POMC: variants seen among roughly 807,000 people sequenced by gnomAD.
POMC encodes the protein proopiomelanocortin.
A neutral mutation model predicts 18.5 loss-of-function variants in POMC; 19 were observed. The observed-to-expected ratio is 1.03, with a 90% CI of 0.72 to 1.51. The LOEUF (loss-of-function observed/expected upper bound fraction) is 1.51, where lower values mean the gene tolerates loss of function less well. Among genes scored for constraint, POMC ranks in the 40% most tolerant of loss-of-function variants. The probability of loss-of-function intolerance (pLI) is 0.00; values close to 1 mark genes in which losing one functional copy is unlikely to be tolerated. For synonymous variants in POMC, 179 were observed against 161.9 expected (o/e 1.11, Z -0.80); for missense variants, 451 against 379.0 (o/e 1.19, Z -1.58).
In POMC at chr2:25,163,884, A is replaced by G. The variant is rs542089530; in HGVS notation, c.132+757T>C. ...AAGCAATCCTCCCACCTTAGCATCT[A>G]AAAGTGCTGGGATTACAGCCATGAG... On this transcript the variant is annotated intron_variant, in intron 2 of 2. Transcript: ENST00000395826. Among the ~76,000 whole-genome samples the G allele has an allele frequency of 7.2e-5, 11 of 152,230 alleles. No individual in the cohort carries two copies. The East Asian group carries it at 2.1e-3, about 29-fold the overall frequency.
At chr2:25,165,194 C>T (rs993931453) in intron 1 of POMC, among the ~76,000 whole-genome samples, 3 of 152,206 alleles carry the variant, frequency 2.0e-5, no homozygotes, top group African/African-American at 7.2e-5. Flanking sequence ...TATTTCACTA[C>T]ATTAAGCTGT....
chr2:25,162,169 C>A (rs1053177482), intron 2 of POMC, among the ~76,000 whole-genome samples: 1 of 152,124 alleles, frequency 6.6e-6, no homozygotes, highest in South Asian at 2.1e-4. Context: ...ATATTGAGGG[C>A]CGGGCACGGT....
chr2:25,161,839 C>T lies in POMC; in HGVS notation c.133-87G>A. ...GCCCGTCACTGCGCCTAGGCCCTGG[C>T]CGCCCTCGCCACGTGCCGAGGACAC... is the stretch of plus-strand genomic sequence containing the variant. On this transcript the variant is annotated intron_variant, in intron 2 of 2. Coordinates refer to ENST00000395826, the MANE Select transcript of POMC (RefSeq NM_000939.4). The surrounding 1 kb of genome is among the most constrained non-coding windows in gnomAD (Gnocchi z 5.7). The T allele has an allele frequency of 6.8e-7, 1 of 1,468,970 alleles. No homozygotes were observed. The highest frequency in any genetic ancestry group is 9.0e-7 in the Non-Finnish European group (1 of 1,115,792). 91.0% of individuals were successfully genotyped at this position (1,468,970 alleles called of 1,614,324 possible).
At position 25,168,174 on chromosome 2, in the gene POMC, G is replaced by A. The variant is rs1317529468; in HGVS notation, c.-21+324C>T. Among the ~76,000 whole-genome samples the A allele has an allele frequency of 6.8e-6, 1 of 147,482 alleles. No homozygotes were observed. The highest frequency in any genetic ancestry group is 6.9e-5 in the Admixed American group (1 of 14,498). On this transcript the variant is annotated intron_variant, in intron 1 of 2. Transcript: ENST00000395826. This position sits in a 1 kb window ranked among gnomAD's most constrained non-coding sequence, Gnocchi z 5.2. Reference sequence around the variant, plus strand: ...CGTCTCAAAAAAAAAAAAAAAGACCGGGTTGTCCCAAGACCTCCTAGCAAG... The same window carrying A: ...CGTCTCAAAAAAAAAAAAAAAGACCAGGTTGTCCCAAGACCTCCTAGCAAG...
chr2:25,168,034 A>G lies in POMC; in HGVS notation c.-21+464T>C, dbSNP rs750466253. On this transcript the variant is annotated intron_variant, in intron 1 of 2. Coordinates refer to ENST00000395826, the MANE Select transcript of POMC (RefSeq NM_000939.4). This position sits in a 1 kb window ranked among gnomAD's most constrained non-coding sequence, Gnocchi z 5.2. ...CCGGGCGTGGTGGCGCATGCCTGTA[A>G]TCCCAGCTACTCGGGAGGCTGAAGC... Among the ~76,000 whole-genome samples, 5 of 152,018 alleles carry G rather than the reference A, an allele frequency of 3.3e-5. No homozygotes were observed. The highest frequency in any genetic ancestry group is 6.5e-5 in the Admixed American group (1 of 15,278).
chr2:25,166,149 T>G (rs1671545704), intron 1 of POMC, among the ~76,000 whole-genome samples: 1 of 152,230 alleles, frequency 6.6e-6, no homozygotes, highest in South Asian at 2.1e-4. Flanking sequence ...CCTCGCCCTA[T>G]TCCCCAGGCG....
chr2:25,161,534 A>G lies in POMC; in HGVS notation c.351T>C (p.Pro117=), dbSNP rs1180907848. 6.3e-7 allele frequency: 1 copy of G among 1,582,506 alleles called. No homozygotes were observed. Among genetic ancestry groups the G allele is most frequent in the Non-Finnish European group, 8.6e-7 (1 of 1,164,978 alleles). The change falls in exon 3 of 3, where the codon CCT becomes CCC. Residue 117 remains proline, a synonymous_variant. Coordinates refer to ENST00000395826, the MANE Select transcript of POMC (RefSeq NM_000939.4). The surrounding 1 kb of genome is among the most constrained non-coding windows in gnomAD (Gnocchi z 5.7). ...CGCTGCGGGGCTCGGGGCCGCCCTC[A>G]GGCAGCGGGCCGCAGTCTTCGCCCG... ...VSAGEDCGPL[P]EGGPEPRSDG... is the part of the protein sequence containing the mutation.
chr2:25,161,283 GC>G lies in POMC; in HGVS notation c.601del (p.Ala201ProfsTer41). On this transcript the variant is annotated frameshift_variant, in exon 3 of 3. Coordinates refer to ENST00000395826, the MANE Select transcript of POMC (RefSeq NM_000939.4). LOFTEE classifies it high-confidence loss of function. This position sits in a 1 kb window ranked among gnomAD's most constrained non-coding sequence, Gnocchi z 5.7. ...PDGPADDGAG[A>X]QADLEHSLLV... ...CAGGCTGTGCTCCAGGTCGGCCTGGGCCCCTGCGCCGTCATCGGCAGGGCCG... is the reference window on the plus strand; with the variant it reads ...CAGGCTGTGCTCCAGGTCGGCCTGGGCCCTGCGCCGTCATCGGCAGGGCCG... 6.2e-7 allele frequency: 1 copy of G among 1,611,228 alleles called. No individual in the cohort carries two copies. The highest frequency in any genetic ancestry group is 1.7e-5 in the Admixed American group (1 of 59,708).
chr2:25,161,501 G>A lies in POMC; in HGVS notation c.384C>T (p.Ala128=). ...EGGPEPRSDG[A]KPGPREGKRS... ...GCTTGCCCTCGCGCGGGCCCGGCTT[G>A]GCACCATCGCTGCGGGGCTCGGGGC... is the stretch of plus-strand genomic sequence containing the variant. Residue 128 remains alanine (A), a synonymous_variant, in exon 3 of 3, where the codon GCC becomes GCT. Coordinates refer to ENST00000395826, the MANE Select transcript of POMC (RefSeq NM_000939.4). The surrounding 1 kb of genome is among the most constrained non-coding windows in gnomAD (Gnocchi z 5.7). 8 of 1,602,600 alleles carry A rather than the reference G, an allele frequency of 5.0e-6. No homozygotes were observed. Among genetic ancestry groups the A allele is most frequent in the Non-Finnish European group, 6.0e-6 (7 of 1,175,454 alleles).
rs1368775961 is a variant in POMC at position 25,161,881 on chromosome 2, C to A, written c.133-129G>T. 1 of 1,411,506 alleles carries A rather than the reference C, an allele frequency of 7.1e-7. No individual in the cohort carries two copies. Among genetic ancestry groups the A allele is most frequent in the Non-Finnish European group, 9.2e-7 (1 of 1,081,676 alleles). The allele number at this position is 1,411,506 out of a possible 1,614,324, so 87.4% of individuals were successfully genotyped here. Reference sequence around the variant, plus strand: ...CGAGGACACAGGGCACAGTGTCGGGCGTGTCAAGCGTCGAGGCCTCCCTAC... The same window carrying A: ...CGAGGACACAGGGCACAGTGTCGGGAGTGTCAAGCGTCGAGGCCTCCCTAC... On this transcript the variant is annotated intron_variant, in intron 2 of 2. Coordinates refer to ENST00000395826, the MANE Select transcript of POMC (RefSeq NM_000939.4). This position sits in a 1 kb window ranked among gnomAD's most constrained non-coding sequence, Gnocchi z 5.7.
At chr2:25,163,965 A>T (rs956947175) in intron 2 of POMC, among the ~76,000 whole-genome samples, 1 of 151,798 alleles carries the variant, frequency 6.6e-6, no homozygotes, top group African/African-American at 2.4e-5. Flanking sequence ...ATCATTACTC[A>T]TTTATGCCCC....
In POMC at chr2:25,161,522, G is replaced by C; in HGVS notation, c.363C>G (p.Pro121=). 1 of 1,590,848 alleles carries C rather than the reference G, an allele frequency of 6.3e-7. No homozygotes were observed. The highest frequency in any genetic ancestry group is 8.6e-7 in the Non-Finnish European group (1 of 1,169,184). The change falls in exon 3 of 3, where the codon CCC becomes CCG. Residue 121 remains proline (P), a synonymous_variant. Transcript: ENST00000395826. This position sits in a 1 kb window ranked among gnomAD's most constrained non-coding sequence, Gnocchi z 5.7. ...GCTTGGCACCATCGCTGCGGGGCTC[G>C]GGGCCGCCCTCAGGCAGCGGGCCGC... ...EDCGPLPEGG[P]EPRSDGAKPG...
At chr2:25,164,510 T>C in intron 2 of POMC, 131 bp downstream of exon 2, 1 of 1,457,996 alleles carries the variant, frequency 6.9e-7, no homozygotes, top group Non-Finnish European at 9.6e-7. Flanking sequence ...AAAGTTTTGC[T>C]CCTGCCCTGG....
intron 1 of POMC, among the ~76,000 whole-genome samples, chr2:25,165,132 T>G (rs1488617567): frequency 6.6e-6 from 1 of 152,204 alleles, no homozygotes; most frequent in African/African-American, 2.4e-5. Flanking sequence ...GAGAGACAAT[T>G]ACTTTAATGT....
chr2:25,164,953 A>T, intron 1 of POMC, 161 bp from the exon 2 acceptor site: 1 of 677,548 alleles, frequency 1.5e-6, no homozygotes, highest in Non-Finnish European at 2.5e-6. Flanking sequence ...TGTGCAGTAC[A>T]GCGGTGGTAT....
In POMC at chr2:25,161,831, G is replaced by A. The variant is rs926742296; in HGVS notation, c.133-79C>T. ...GCTGCCGCGCCCGTCACTGCGCCTA[G>A]GCCCTGGCCGCCCTCGCCACGTGCC... On this transcript the variant is annotated intron_variant, in intron 2 of 2. Coordinates refer to ENST00000395826, the MANE Select transcript of POMC (RefSeq NM_000939.4). The surrounding 1 kb of genome is among the most constrained non-coding windows in gnomAD (Gnocchi z 5.7). 11 of 1,481,362 alleles carry A rather than the reference G, an allele frequency of 7.4e-6. No homozygotes were observed. In the Admixed American group the frequency reaches 2.6e-4, roughly 35 times the overall value. The allele number at this position is 1,481,362 out of a possible 1,614,324, so 91.8% of individuals were successfully genotyped here. A position where few individuals can be genotyped will look rare whatever the true frequency, so the allele number is the denominator to read the frequency against.
intron 2 of POMC, among the ~76,000 whole-genome samples, chr2:25,164,097 G>A (rs1424846138): frequency 6.6e-6 from 1 of 151,286 alleles, no homozygotes; most frequent in Admixed American, 6.6e-5. Flanking sequence ...GAGGAACACA[G>A]CAGAAGGCCA....
In POMC at chr2:25,161,856, C is replaced by T; in HGVS notation, c.133-104G>A. On this transcript the variant is annotated intron_variant, in intron 2 of 2. Transcript: ENST00000395826. The surrounding 1 kb of genome is among the most constrained non-coding windows in gnomAD (Gnocchi z 5.7). ...GGCCCTGGCCGCCCTCGCCACGTGCCGAGGACACAGGGCACAGTGTCGGGC... is the reference window on the plus strand; with the variant it reads ...GGCCCTGGCCGCCCTCGCCACGTGCTGAGGACACAGGGCACAGTGTCGGGC... 6.9e-7 allele frequency: 1 copy of T among 1,454,852 alleles called. No individual in the cohort carries two copies. The highest frequency in any genetic ancestry group is 9.0e-7 in the Non-Finnish European group (1 of 1,109,194). 90.1% of individuals were successfully genotyped at this position (1,454,852 alleles called of 1,614,324 possible). A position where few individuals can be genotyped will look rare whatever the true frequency, so the allele number is the denominator to read the frequency against.
At chr2:25,162,815 C>G (rs1573252454) in intron 2 of POMC, among the ~76,000 whole-genome samples, 1 of 152,216 alleles carries the variant, frequency 6.6e-6, no homozygotes, top group East Asian at 1.9e-4. Flanking sequence ...TGCACTAAGC[C>G]TCCAAAACTG....
Sources: gnomAD v4.1 joint callset for allele counts (sites outside exome capture counted in the v4.1 genomes callset) on GRCh38, gnomAD v4.1.1 for gene constraint, Gnocchi (gnomAD v3.1) non-coding constraint, MANE v1.5 for transcripts, NCBI Gene and HGNC (gene_info 2026-07-23, HGNC 2026-07-21) for gene names.